MRTFB: variants seen among roughly 807,000 people sequenced by gnomAD.
MRTFB encodes the protein myocardin related transcription factor B, also known as myocardin-related transcription factor B.
In MRTFB, 29 loss-of-function variants were observed where a neutral mutation model predicts 104.2. The observed-to-expected ratio is 0.28, with a 90% CI of 0.21 to 0.38. MRTFB has a LOEUF of 0.38. Among genes scored for constraint, MRTFB ranks in the 10% least tolerant of loss-of-function variants. The pLI is 1.00. For synonymous variants in MRTFB, 535 were observed against 519.5 expected (o/e 1.03, Z -0.41); for missense variants, 1,270 against 1,341.6 (o/e 0.95, Z 0.83).
intron 16 of MRTFB, among the ~76,000 whole-genome samples, chr16:14,260,457 T>C (rs1474239245): frequency 6.6e-6 from 1 of 152,196 alleles, no homozygotes; most frequent in Non-Finnish European, 1.5e-5. Context: ...TCAACATTTA[T>C]ATTAGGAGTA....
At chr16:14,062,646 G>A in the MRTFB span, among the ~76,000 whole-genome samples, 5 of 152,178 alleles carry the variant, frequency 3.3e-5, no homozygotes, top group Non-Finnish European at 7.3e-5. Flanking sequence ...ATGGAAACGC[G>A]AGCTGGTTTA....
intron 3 of MRTFB, among the ~76,000 whole-genome samples, chr16:14,196,560 A>G (rs1179499723): frequency 6.6e-6 from 1 of 152,238 alleles, no homozygotes; most frequent in African/African-American, 2.4e-5. Context: ...TCTAGAGCCT[A>G]ACTTTTTTCA....
At chr16:14,243,120 TAAAG>T (rs1158174121) in intron 10 of MRTFB, among the ~76,000 whole-genome samples, 1 of 152,176 alleles carries the variant, frequency 6.6e-6, no homozygotes, top group African/African-American at 2.4e-5. Flanking sequence ...AACACTGATT[TAAAG>T]AAAATGTTTT....
intron 2 of MRTFB, 144 bp downstream of exon 2, chr16:14,079,498 G>C (rs1176262640): frequency 3.3e-6 from 1 of 302,854 alleles, no homozygotes; most frequent in Non-Finnish European, 6.0e-6. Flanking sequence ...AGTTCTTAAG[G>C]TAGATGCCAG....
chr16:14,252,530 A>G, intron 15 of MRTFB, 28 bp downstream of exon 15: 1 of 1,613,370 alleles, frequency 6.2e-7, no homozygotes, highest in East Asian at 2.2e-5. Flanking sequence ...CATGGTGCAT[A>G]AGGCTATGGT....
intron 3 of MRTFB, chr16:14,191,676 A>G (rs912857594): frequency 6.6e-6 from 1 of 152,208 alleles, no homozygotes; most frequent in Admixed American, 6.5e-5. Flanking sequence ...GAATATAATA[A>G]TTGGAATTAT....
intron 3 of MRTFB, among the ~76,000 whole-genome samples, chr16:14,161,099 T>A (rs1402826809): frequency 6.8e-6 from 1 of 146,310 alleles, no homozygotes; most frequent in East Asian, 2.0e-4. Context: ...TTTTTTTTTT[T>A]TTTTTTTTTT....
In MRTFB at chr16:14,264,475, A is replaced by T. The variant is rs1396554061; in HGVS notation, c.*3031A>T. The T allele has an allele frequency of 1.3e-5, 2 of 152,200 alleles. No homozygotes were observed. Among genetic ancestry groups the T allele is most frequent in the African/African-American group, 4.8e-5 (2 of 41,448 alleles). The allele number at this position is 152,200 out of a possible 1,614,324, so 9.4% of individuals were successfully genotyped here. On this transcript the variant is annotated 3_prime_UTR_variant, in exon 17 of 17. Transcript: ENST00000571589. ...GGACAGTGTTAGTGGTTCACGTTCTAGTGTTTTTCCTGAAATGTGCAATCT... is the reference window on the plus strand; with the variant it reads ...GGACAGTGTTAGTGGTTCACGTTCTTGTGTTTTTCCTGAAATGTGCAATCT...
chr16:14,252,402 A>G lies in MRTFB; in HGVS notation c.2603A>G (p.Gln868Arg). 2 of 1,613,634 alleles carry G rather than the reference A, an allele frequency of 1.2e-6. No homozygotes were observed. The highest frequency in any genetic ancestry group is 1.3e-5 in the African/African-American group (1 of 74,820). Reference sequence around the variant, plus strand: ...CCGCCACCCCAGCAATTTGTCGTCCAGCACTCTCTATTTGGGAGTCCAGTC... The same window carrying G: ...CCGCCACCCCAGCAATTTGTCGTCCGGCACTCTCTATTTGGGAGTCCAGTC... ...SPPPPQQFVVQHSLFGSPVAK... is the reference protein window; with the variant it reads ...SPPPPQQFVVRHSLFGSPVAK... The change falls in exon 15 of 17, where the codon CAG becomes CGG. Residue 868 changes from glutamine (Q) to arginine (R), a missense_variant. Around this residue, in one of 3 missense-constraint regions of MRTFB, gnomAD observed 1,144 missense variants for 1,131.5 expected, o/e 1.01. Transcript: ENST00000571589.
At chr16:14,121,780 A>G (rs561983988) in intron 2 of MRTFB, among the ~76,000 whole-genome samples, 12 of 152,368 alleles carry the variant, frequency 7.9e-5, no homozygotes, top group South Asian at 4.1e-4. Flanking sequence ...GTTTTCTGCA[A>G]TGATGGAAAT....
intron 3 of MRTFB, among the ~76,000 whole-genome samples, chr16:14,197,980 G>C (rs929999558): frequency 5.9e-5 from 9 of 152,134 alleles, no homozygotes; most frequent in African/African-American, 2.2e-4. Context: ...CGATTAAGCA[G>C]TTGCTGTCAT....
At chr16:14,190,386 C>T (rs901321685) in intron 3 of MRTFB, among the ~76,000 whole-genome samples, 1 of 152,198 alleles carries the variant, frequency 6.6e-6, no homozygotes, top group African/African-American at 2.4e-5. Flanking sequence ...TTACAAACCA[C>T]TCTGACATGA....
chr16:14,070,188 C>G (rs1196394562), upstream of MRTFB, among the ~76,000 whole-genome samples: 1 of 152,164 alleles, frequency 6.6e-6, no homozygotes, highest in Non-Finnish European at 1.5e-5. Context: ...AGCTCATGCT[C>G]GCTTGCTTGC....
chr16:14,000,791 G>T, the MRTFB span, among the ~76,000 whole-genome samples: 1 of 152,188 alleles, frequency 6.6e-6, no homozygotes, highest in Non-Finnish European at 1.5e-5. Context: ...TTTTGTATTT[G>T]CCAGTGAGCC....
the MRTFB span, among the ~76,000 whole-genome samples, chr16:14,052,460 G>A: frequency 4.6e-5 from 7 of 151,948 alleles, no homozygotes; most frequent in African/African-American, 1.5e-4. Context: ...TATACAGGCC[G>A]GGCACAGTGG....
At chr16:14,173,903 T>A (rs1342860280) in intron 3 of MRTFB, among the ~76,000 whole-genome samples, 4 of 152,202 alleles carry the variant, frequency 2.6e-5, no homozygotes, top group Non-Finnish European at 4.4e-5. Context: ...CTATTTTTTT[T>A]AGAAATTTTT....
intron 2 of MRTFB, among the ~76,000 whole-genome samples, chr16:14,135,643 TCCA>T (rs1210776535): frequency 6.6e-6 from 1 of 152,230 alleles, no homozygotes; most frequent in Non-Finnish European, 1.5e-5. Context: ...TTTCTGCATT[TCCA>T]CTGTCTTCAT....
the MRTFB span, among the ~76,000 whole-genome samples, chr16:14,026,549 G>T: frequency 4.8e-4 from 73 of 152,048 alleles, no homozygotes; most frequent in Admixed American, 2.0e-4. Flanking sequence ...TTCATAATTT[G>T]GACTTTATCA....
chr16:14,092,699 GA>G (rs1281740040), intron 2 of MRTFB: 1 of 152,160 alleles, frequency 6.6e-6, no homozygotes, highest in Non-Finnish European at 1.5e-5. Context: ...CTCATGGGAT[GA>G]AACTTTGGAT....
Sources: allele counts gnomAD v4.1 joint callset (sites outside exome capture counted in the v4.1 genomes callset), GRCh38; gene constraint gnomAD v4.1.1; regional missense constraint gnomAD v4.1.1; transcripts MANE v1.5; gene names NCBI Gene and HGNC (gene_info 2026-07-23, HGNC 2026-07-21).